The following AGR3 variants were observed in gnomAD, a reference collection of about 807,000 sequenced individuals.
The protein encoded by AGR3 is anterior gradient protein 3.
AGR3 carries 37 observed loss-of-function variants against 24.5 expected under a neutral mutation model. The observed-to-expected ratio is 1.51, with a 90% CI of 1.16 to 1.99. The LOEUF is 1.99. Among genes scored for constraint, AGR3 ranks in the 30% most tolerant of loss-of-function variants. The probability of loss-of-function intolerance (pLI) is 0.00; values close to 1 mark genes in which losing one functional copy is unlikely to be tolerated. For missense variants in AGR3, 228 were observed against 191.1 expected, an observed-to-expected ratio of 1.19 and a Z score of -1.14; for synonymous variants, 75 against 61.6, an observed-to-expected ratio of 1.22 and a Z score of -1.02.
At chr7:16,870,125 A>G (rs192204590) in intron 3 of AGR3, among the ~76,000 whole-genome samples, 76 of 152,082 alleles carry the variant, frequency 5.0e-4, no homozygotes, top group Middle Eastern at 3.4e-3. Flanking sequence ...TTAGGTTCTT[A>G]TAGATTTTGC....
intron 3 of AGR3, among the ~76,000 whole-genome samples, chr7:16,867,245 C>T (rs941669919): frequency 6.6e-6 from 1 of 152,076 alleles, no homozygotes; most frequent in African/African-American, 2.4e-5. Flanking sequence ...TCCCAGATGA[C>T]TATCAACTTC....
chr7:16,860,340 A>C (rs1004624223), intron 7 of AGR3, 160 bp downstream of exon 7: 7 of 578,632 alleles, frequency 1.2e-5, no homozygotes, highest in African/African-American at 1.1e-4. Flanking sequence ...AGGTACCCCC[A>C]AAATTCTGAT....
rs1781659301 is a variant in AGR3 at position 16,862,011 on chromosome 7, C to G, written c.276G>C (p.Gln92His). 6.2e-7 allele frequency: 1 copy of G among 1,612,120 alleles called. No homozygotes were observed. Among genetic ancestry groups the G allele is most frequent in the South Asian group, 1.1e-5 (1 of 90,994 alleles). ...TAAGGTTTAGCATGATGAACTTATT[C>G]TGAGCCATTTCTTGTATTTCTTCAT... ...AQNEEIQEMA[Q>H]NKFIMLNLMH... Residue 92 changes from glutamine to histidine, a missense_variant, in exon 5 of 8, where the codon CAG becomes CAC. Coordinates refer to ENST00000310398, the MANE Select transcript of AGR3 (RefSeq NM_176813.5).
intron 3 of AGR3, among the ~76,000 whole-genome samples, chr7:16,873,087 T>C (rs1237091488): frequency 6.6e-6 from 1 of 152,166 alleles, no homozygotes; most frequent in Non-Finnish European, 1.5e-5. Context: ...GATCCAGCTT[T>C]CCTACTACTG....
chr7:16,880,591 C>A, intron 1 of AGR3, among the ~76,000 whole-genome samples: 1 of 145,482 alleles, frequency 6.9e-6, no homozygotes, highest in Admixed American at 7.0e-5. Flanking sequence ...CCTCCTTTCC[C>A]CTCCTTTCCT....
chr7:16,873,004 G>C (rs920436595), intron 3 of AGR3, among the ~76,000 whole-genome samples: 1 of 152,170 alleles, frequency 6.6e-6, no homozygotes, highest in African/African-American at 2.4e-5. Context: ...CTGTTGGTAG[G>C]AATGTAAATT....
At chr7:16,865,901 G>C (rs1781750192) in intron 3 of AGR3, 1 of 715,100 alleles carries the variant, frequency 1.4e-6, no homozygotes, top group African/African-American at 1.8e-5. Context: ...AGGAGGACCT[G>C]TTATTAATAA....
rs746245744 is a variant in AGR3 at position 16,873,781 on chromosome 7, T to A, written c.172A>T (p.Ser58Cys). Residue 58 changes from serine (S) to cysteine (C), a missense_variant and splice_region_variant, in exon 3 of 8, where the codon AGT becomes TGT. Coordinates refer to ENST00000310398, the MANE Select transcript of AGR3 (RefSeq NM_176813.5). ...YEEGLFYAQK[S>C]KKPLMVIHHL... ...AAAATGAGCTGAGAAGCATGTTACC[T>A]TTTTTGAGCATAAAAGAGACCTTCT... The A allele has an allele frequency of 1.2e-6, 2 of 1,606,878 alleles. No individual in the cohort carries two copies. Among genetic ancestry groups the A allele is most frequent in the South Asian group, 2.2e-5 (2 of 90,824 alleles).
At chr7:16,861,485 CATTT>C (rs1332931390) in intron 5 of AGR3, 38 bp from the exon 6 acceptor site, 6 of 1,543,888 alleles carry the variant, frequency 3.9e-6, no homozygotes, top group Non-Finnish European at 5.3e-6. Flanking sequence ...TTATTGGATT[CATTT>C]GTTTTTGATA....
intron 1 of AGR3, among the ~76,000 whole-genome samples, chr7:16,880,543 T>TCC: frequency 1.8e-5 from 1 of 54,728 alleles, no homozygotes; most frequent in African/African-American, 7.2e-5. Context: ...TCCCCTCCCC[T>TCC]CCTCTCCCCT....
At chr7:16,880,199 C>T (rs1292317160) in intron 1 of AGR3, among the ~76,000 whole-genome samples, 2 of 129,090 alleles carry the variant, frequency 1.5e-5, no homozygotes, top group African/African-American at 3.0e-5. Context: ...TTGCTCTTGT[C>T]ACCCAGGCTG....
downstream of AGR3, among the ~76,000 whole-genome samples, chr7:16,857,795 A>G (rs1781574237): frequency 6.6e-6 from 1 of 152,184 alleles, no homozygotes; most frequent in South Asian, 2.1e-4. Context: ...TTAACAGAAT[A>G]GTGATCAAAT....
chr7:16,864,544 A>G (rs1781713298), intron 3 of AGR3: 2 of 1,345,234 alleles, frequency 1.5e-6, no homozygotes, highest in South Asian at 1.2e-5. Context: ...GTGTTGCTTC[A>G]GAGGGAGCCT....
At chr7:16,872,405 T>C (rs113989302) in intron 3 of AGR3, among the ~76,000 whole-genome samples, 6 of 152,308 alleles carry the variant, frequency 3.9e-5, no homozygotes, top group African/African-American at 1.2e-4. Flanking sequence ...GATATCCATA[T>C]GTAGAAGAAT....
intron 2 of AGR3, among the ~76,000 whole-genome samples, chr7:16,876,850 T>A (rs192995397): frequency 6.6e-6 from 1 of 152,346 alleles, no homozygotes; most frequent in Non-Finnish European, 1.5e-5. Context: ...GCACACAGAA[T>A]GTTGATGCCT....
chr7:16,869,391 T>C (rs1290037255), intron 3 of AGR3, among the ~76,000 whole-genome samples: 1 of 152,190 alleles, frequency 6.6e-6, no homozygotes, highest in African/African-American at 2.4e-5. Flanking sequence ...TTATATAGTA[T>C]ATATTTTTTG....
Position 16,861,398 on chromosome 7 carries a change from C to G in AGR3, c.353G>C (p.Arg118Thr), listed in dbSNP as rs1781639972. The G allele has an allele frequency of 1.2e-6, 2 of 1,609,350 alleles. No homozygotes were observed. Among genetic ancestry groups the G allele is most frequent in the Non-Finnish European group, 8.5e-7 (1 of 1,177,642 alleles). ...NLSPDGQYVP[R>T]IMFVDPSLTV... ...CACATACATACCTACAAACATGATTCTAGGCACATATTGCCCATCAGGTGA... is the reference window on the plus strand; with the variant it reads ...CACATACATACCTACAAACATGATTGTAGGCACATATTGCCCATCAGGTGA... The change falls in exon 6 of 8, where the codon AGA becomes ACA. Residue 118 changes from arginine to threonine, a missense_variant. By Grantham distance (71) the Arg-to-Thr change is moderately conservative (BLOSUM62 -1). Coordinates refer to ENST00000310398, the MANE Select transcript of AGR3 (RefSeq NM_176813.5).
intron 5 of AGR3, 80 bp downstream of exon 5, chr7:16,861,899 TAAAAA>T (rs56817783): frequency 2.0e-4 from 171 of 864,052 alleles, no homozygotes; most frequent in East Asian, 4.2e-4. Context: ...AGACTCTGTC[TAAAAA>T]AAAAAAAAAA....
downstream of AGR3, among the ~76,000 whole-genome samples, chr7:16,855,640 A>G (rs1781547914): frequency 6.6e-6 from 1 of 152,196 alleles, no homozygotes; most frequent in African/African-American, 2.4e-5. Flanking sequence ...TTAGCGAAAA[A>G]GGCAGATGTT....
Sources: allele counts gnomAD v4.1 joint callset (sites outside exome capture counted in the v4.1 genomes callset), GRCh38; gene constraint gnomAD v4.1.1; transcripts MANE v1.5; gene names NCBI Gene and HGNC (gene_info 2026-07-23, HGNC 2026-07-21).